Variants in CLCN4 observed in about 807,000 individuals in gnomAD.
CLCN4 encodes the protein Cl-/H+ antiporter 4, also known as H(+)/Cl(-) exchange transporter 4.
A neutral mutation model predicts 41.7 loss-of-function variants in CLCN4; 1 was observed. The observed-to-expected ratio is 0.02, with a 90% CI of 0.01 to 0.11. The LOEUF (loss-of-function observed/expected upper bound fraction) is 0.11, where lower values mean the gene tolerates loss of function less well. Among genes scored for constraint, CLCN4 ranks in the 10% least tolerant of loss-of-function variants. The pLI, the probability that CLCN4 is intolerant of heterozygous loss-of-function variation, is 1.00. For synonymous variants in CLCN4, 277 were observed against 285.8 expected, an observed-to-expected ratio of 0.97 and a Z score of 0.31; for missense variants, 287 against 661.0, an observed-to-expected ratio of 0.43 and a Z score of 6.20.
chrX:10,188,539 C>G (rs1923872298), intron 4 of CLCN4, among the ~76,000 whole-genome samples: 1 of 112,295 alleles, frequency 8.9e-6, no homozygotes, highest in African/African-American at 3.2e-5. Flanking sequence ...TTTTTAATAT[C>G]AAACGCACCA....
intron 2 of CLCN4, among the ~76,000 whole-genome samples, chrX:10,175,558 T>C (rs1923497303): frequency 9.0e-6 from 1 of 111,589 alleles, no homozygotes; most frequent in African/African-American, 3.3e-5. Context: ...CTGGAAAATC[T>C]GTAAGAAATG....
chrX:10,227,810 C>T (rs1456279577), intron 12 of CLCN4, among the ~76,000 whole-genome samples: 1 of 112,120 alleles, frequency 8.9e-6, no homozygotes, highest in Non-Finnish European at 1.9e-5. Context: ...TTTCAAGGTT[C>T]GTCCACACTG....
chrX:10,227,202 C>T (rs1925011492), intron 12 of CLCN4, among the ~76,000 whole-genome samples: 1 of 111,286 alleles, frequency 9.0e-6, no homozygotes, highest in African/African-American at 3.3e-5. Context: ...GGCTTATTCA[C>T]CACGATCAAG....
At chrX:10,217,762 T>TC (rs397978112) in intron 11 of CLCN4, among the ~76,000 whole-genome samples, 2 of 108,402 alleles carry the variant, frequency 1.8e-5, no homozygotes, top group Non-Finnish European at 3.8e-5. Flanking sequence ...TTTTTTTTTT[T>TC]CACTAAGTCT....
chrX:10,204,615 T>TTTA (rs1924327042), intron 6 of CLCN4, among the ~76,000 whole-genome samples: 1 of 57,725 alleles, frequency 1.7e-5, no homozygotes, highest in East Asian at 4.5e-4. Context: ...CTAGTAGTCT[T>TTTA]TTTTTTTTTT....
At chrX:10,213,622 A>C (rs1461596273) in intron 10 of CLCN4, 59 bp from the exon 11 acceptor site, 10 of 1,053,812 alleles carry the variant, frequency 9.5e-6, no homozygotes, top group Non-Finnish European at 1.3e-5. Flanking sequence ...TCCCCAAATC[A>C]TGCTTCCGTG....
At chrX:10,211,076 G>A in intron 9 of CLCN4, among the ~76,000 whole-genome samples, 1 of 104,870 alleles carries the variant, frequency 9.5e-6, no homozygotes, top group Non-Finnish European at 1.9e-5. Context: ...GACCAGCCTG[G>A]CTAATATAGT....
rs545929454 is a variant in CLCN4 at position 10,171,915 on chromosome X, C to A, written c.-11-13107C>A. Among the ~76,000 whole-genome samples the A allele has an allele frequency of 5.4e-5, 6 of 111,648 alleles. No individual in the cohort carries two copies. In the South Asian group the frequency reaches 2.3e-3, roughly 42 times the overall value. On this transcript the variant is annotated intron_variant, in intron 2 of 12. Coordinates refer to ENST00000380833, the MANE Select transcript of CLCN4 (RefSeq NM_001830.4). ...TATTGGGGGCTGCTCACATAGGCAC[C>A]CTCTGCCTAGCACACATCAAAATTC...
In CLCN4 at chrX:10,233,836, G is replaced by A. The variant is rs1461494114; in HGVS notation, c.*252G>A. On this transcript the variant is annotated 3_prime_UTR_variant, in exon 13 of 13. Coordinates refer to ENST00000380833, the MANE Select transcript of CLCN4 (RefSeq NM_001830.4). Reference sequence around the variant, plus strand: ...TAATGAGTTTGCTACTGCTGTGGGGGCATGTGGGTGGGTAAATGATGTAAA... The same window carrying A: ...TAATGAGTTTGCTACTGCTGTGGGGACATGTGGGTGGGTAAATGATGTAAA... The A allele has an allele frequency of 8.8e-6, 3 of 339,575 alleles. No individual in the cohort carries two copies. The highest frequency in any genetic ancestry group is 4.1e-5 in the South Asian group (1 of 24,317). 28.0% of individuals were successfully genotyped at this position (339,575 alleles called of 1,213,427 possible).
At chrX:10,159,618 A>C (rs1400750921) in intron 2 of CLCN4, among the ~76,000 whole-genome samples, 2 of 111,578 alleles carry the variant, frequency 1.8e-5, no homozygotes. Context: ...TTGACCAACC[A>C]GCAACGTTGG....
chrX:10,208,335 C>T lies in CLCN4; in HGVS notation c.1134C>T (p.Ala378=), dbSNP rs376935412. ...TGCTGGAGGTCATTGTGGTGACTGC[C>T]ATCACTGCCATCATTGCCTACCCCA... The part of the protein sequence containing the change: ...YPVLEVIVVT[A]ITAIIAYPNP... The change falls in exon 9 of 13, where the codon GCC becomes GCT. Residue 378 remains alanine, a synonymous_variant. Transcript: ENST00000380833. 3.0e-5 allele frequency: 36 copies of T among 1,208,576 alleles called. No individual in the cohort carries two copies. Among genetic ancestry groups the T allele is most frequent in the Non-Finnish European group, 4.0e-5 (36 of 894,931 alleles).
intron 2 of CLCN4, among the ~76,000 whole-genome samples, chrX:10,175,972 G>C (rs79502035): frequency 0.19 from 9,216 of 49,372 alleles, 775 homozygotes; most frequent in East Asian, 0.59. Context: ...CTCTCTCTCT[G>C]TGTGTGTGTG....
intron 2 of CLCN4, among the ~76,000 whole-genome samples, chrX:10,167,127 GTTTC>G (rs1223960587): frequency 3.6e-5 from 4 of 112,371 alleles, no homozygotes; most frequent in Non-Finnish European, 5.6e-5. Context: ...AACAGGCACA[GTTTC>G]TTTCTGAACA....
intron 2 of CLCN4, among the ~76,000 whole-genome samples, chrX:10,166,679 C>T (rs1193206161): frequency 1.8e-5 from 2 of 112,112 alleles, no homozygotes; most frequent in Non-Finnish European, 3.8e-5. Context: ...ACTTCATACA[C>T]GGGGGAAGTG....
At chrX:10,170,303 G>A (rs1029617513) in intron 2 of CLCN4, among the ~76,000 whole-genome samples, 4 of 111,754 alleles carry the variant, frequency 3.6e-5, no homozygotes, top group East Asian at 5.6e-4. Context: ...ATGCAGGTCC[G>A]GATAGTAAAT....
intron 6 of CLCN4, among the ~76,000 whole-genome samples, chrX:10,199,523 C>T (rs1018335592): frequency 1.8e-5 from 2 of 109,639 alleles, no homozygotes; most frequent in African/African-American, 3.4e-5. Flanking sequence ...AGACAGCAGG[C>T]GTAGATGGGT....
chrX:10,212,457 T>A lies in CLCN4; in HGVS notation c.1390-10T>A, dbSNP rs773821193. 5.0e-6 allele frequency: 6 copies of A among 1,207,346 alleles called. No homozygotes were observed. In the East Asian group the frequency reaches 1.8e-4, roughly 36 times the overall value. On this transcript the variant is annotated splice_polypyrimidine_tract_variant and intron_variant, in intron 9 of 12. Transcript: ENST00000380833. ...TTCCCTCATGTTGCTTTTCTCTGTGTCTCCTCAAGATCCCGTCGGGCCTCT... is the reference window on the plus strand; with the variant it reads ...TTCCCTCATGTTGCTTTTCTCTGTGACTCCTCAAGATCCCGTCGGGCCTCT...
At position 10,223,706 on chromosome X, in the gene CLCN4, C is replaced by T. The variant is rs188665903; in HGVS notation, c.2192+2829C>T. Among the ~76,000 whole-genome samples the T allele has an allele frequency of 2.2e-4, 24 of 111,576 alleles. No individual in the cohort carries two copies. The East Asian group carries it at 5.9e-3, about 28-fold the overall frequency. On this transcript the variant is annotated intron_variant, in intron 12 of 12. Transcript: ENST00000380833. ...AAAACTGGACCAGGAATCGGAATGC[C>T]GCAATCTAGGAAGCCTCCAGTTGCT...
chrX:10,175,443 G>GGCAGCCA (rs1266120616), intron 2 of CLCN4, among the ~76,000 whole-genome samples: 2 of 111,959 alleles, frequency 1.8e-5, no homozygotes, highest in East Asian at 2.8e-4. Context: ...CCAAGGAACT[G>GGCAGCCA]GCAGCCAGCA....
Sources: allele counts gnomAD v4.1 joint callset (sites outside exome capture counted in the v4.1 genomes callset), GRCh38; gene constraint gnomAD v4.1.1; transcripts MANE v1.5; gene names NCBI Gene and HGNC (gene_info 2026-07-23, HGNC 2026-07-21).